TAF3: variants seen among roughly 807,000 people sequenced by gnomAD.
TAF3 encodes TATA-box binding protein associated factor 3.
TAF3 carries 7 observed loss-of-function variants against 80.6 expected under a neutral mutation model. The observed-to-expected ratio is 0.09, with a 90% CI of 0.05 to 0.16. The LOEUF (loss-of-function observed/expected upper bound fraction) is 0.16. Among genes scored for constraint, TAF3 ranks in the 10% least tolerant of loss-of-function variants. TAF3 has a pLI of 1.00. For synonymous variants in TAF3, 444 were observed against 446.1 expected, an observed-to-expected ratio of 1.00 and a Z score of 0.06; for missense variants, 921 against 1,140.2, an observed-to-expected ratio of 0.81 and a Z score of 2.77.
At chr10:8,012,744 C>A (rs1281160134) in intron 5 of TAF3, among the ~76,000 whole-genome samples, 1 of 152,116 alleles carries the variant, frequency 6.6e-6, no homozygotes, top group East Asian at 1.9e-4. Flanking sequence ...TAAAGGAAGC[C>A]CATCACTACA....
intron 2 of TAF3, among the ~76,000 whole-genome samples, chr10:7,953,362 G>T (rs1030844437): frequency 6.6e-6 from 1 of 152,200 alleles, no homozygotes; most frequent in Non-Finnish European, 1.5e-5. Context: ...TTAGGGGCAG[G>T]AGTAGCTCTG....
intron 4 of TAF3, among the ~76,000 whole-genome samples, chr10:8,005,699 A>G (rs1831984578): frequency 6.6e-6 from 1 of 152,174 alleles, no homozygotes; most frequent in Non-Finnish European, 1.5e-5. Context: ...TGTGTGTTCA[A>G]CCAGTATGGG....
At chr10:7,927,011 G>C (rs1837822289) in intron 2 of TAF3, among the ~76,000 whole-genome samples, 1 of 152,090 alleles carries the variant, frequency 6.6e-6, no homozygotes, top group South Asian at 2.1e-4. Context: ...TACTACACAT[G>C]GGGTGGGGGA....
chr10:7,944,637 G>A (rs1838007761), intron 2 of TAF3, among the ~76,000 whole-genome samples: 1 of 152,104 alleles, frequency 6.6e-6, no homozygotes, highest in Non-Finnish European at 1.5e-5. Context: ...TCAAATAATG[G>A]TCAGTAATGG....
intron 2 of TAF3, among the ~76,000 whole-genome samples, chr10:7,888,396 A>T: frequency 6.6e-6 from 1 of 152,248 alleles, no homozygotes; most frequent in Non-Finnish European, 1.5e-5. Context: ...TTTATAAAAA[A>T]AAAGTTTCTT....
At chr10:7,987,104 T>A (rs965673072) in intron 4 of TAF3, among the ~76,000 whole-genome samples, 3 of 152,116 alleles carry the variant, frequency 2.0e-5, no homozygotes, top group Admixed American at 2.0e-4. Context: ...GGCAGATCAC[T>A]TGAGCCCAGG....
chr10:7,930,439 A>G (rs1837857605), intron 2 of TAF3, among the ~76,000 whole-genome samples: 3 of 152,210 alleles, frequency 2.0e-5, no homozygotes, highest in South Asian at 2.1e-4. Context: ...AGGGAGTACA[A>G]ATTGATTTTT....
intron 2 of TAF3, among the ~76,000 whole-genome samples, chr10:7,933,723 A>G (rs1422976703): frequency 1.3e-5 from 2 of 152,170 alleles, no homozygotes; most frequent in African/African-American, 4.8e-5. Context: ...GTAATCCTCA[A>G]TTCTCAAAGG....
Position 7,948,912 on chromosome 10 carries a change from C to T in TAF3, c.410-15008C>T, listed in dbSNP as rs920888055. Among the ~76,000 whole-genome samples the T allele has an allele frequency of 6.6e-5, 10 of 152,146 alleles. 1 individual carries two copies. The highest frequency in any genetic ancestry group is 2.2e-4 in the African/African-American group (9 of 41,414). ...TTTTGTTAAAATCTCCAGGATTATA[C>T]ATGCATAGTTGGGGAAAAGAGGGAA... On this transcript the variant is annotated intron_variant, in intron 2 of 6. Coordinates refer to ENST00000344293, the MANE Select transcript of TAF3 (RefSeq NM_031923.4).
chr10:7,831,583 A>ATCC (rs1303703878), intron 2 of TAF3, among the ~76,000 whole-genome samples: 1 of 152,072 alleles, frequency 6.6e-6, no homozygotes, highest in Non-Finnish European at 1.5e-5. Context: ...TGATCTTGTG[A>ATCC]TCCTCCTGCC....
At chr10:7,852,116 A>G (rs1212178861) in intron 2 of TAF3, among the ~76,000 whole-genome samples, 5 of 151,998 alleles carry the variant, frequency 3.3e-5, no homozygotes, top group African/African-American at 1.2e-4. Flanking sequence ...ACGGGGTCTC[A>G]CTTTGTTGCC....
chr10:7,823,297 T>C (rs568549989), intron 1 of TAF3, among the ~76,000 whole-genome samples: 1 of 151,756 alleles, frequency 6.6e-6, no homozygotes, highest in African/African-American at 2.4e-5. Flanking sequence ...TAACCAACAT[T>C]GACTTTGTCA....
At chr10:7,828,727 A>C (rs1311608784) in intron 2 of TAF3, among the ~76,000 whole-genome samples, 1 of 151,960 alleles carries the variant, frequency 6.6e-6, no homozygotes, top group Non-Finnish European at 1.5e-5. Flanking sequence ...ATTGGTTCAA[A>C]ATATTTGCAT....
At chr10:7,894,248 C>T (rs1338178991) in intron 2 of TAF3, among the ~76,000 whole-genome samples, 1 of 152,136 alleles carries the variant, frequency 6.6e-6, no homozygotes, top group Admixed American at 6.5e-5. Context: ...ACAAATTCTC[C>T]CATGACGGAG....
intron 2 of TAF3, among the ~76,000 whole-genome samples, chr10:7,957,978 A>G (rs1220026252): frequency 6.6e-6 from 1 of 151,954 alleles, no homozygotes; most frequent in African/African-American, 2.4e-5. Flanking sequence ...CAAATTTTGC[A>G]GTTTTATAAT....
At chr10:7,896,339 G>T (rs1837504018) in intron 2 of TAF3, among the ~76,000 whole-genome samples, 1 of 152,174 alleles carries the variant, frequency 6.6e-6, no homozygotes, top group African/African-American at 2.4e-5. Context: ...GGGGATGGTT[G>T]TAAGTTCTAA....
intron 2 of TAF3, among the ~76,000 whole-genome samples, chr10:7,892,025 TTTC>T (rs779551822): frequency 6.6e-6 from 1 of 152,240 alleles, no homozygotes; most frequent in Non-Finnish European, 1.5e-5. Flanking sequence ...ACAGATAGAT[TTTC>T]TTCTTTTAAA....
intron 2 of TAF3, among the ~76,000 whole-genome samples, chr10:7,908,384 A>G (rs11255435): frequency 0.19 from 28,240 of 152,156 alleles, 2,845 homozygotes; most frequent in East Asian, 0.3. Flanking sequence ...GGAAAGTCAT[A>G]TAATTAATCA....
intron 2 of TAF3, among the ~76,000 whole-genome samples, chr10:7,907,356 C>A (rs1013218824): frequency 6.6e-6 from 1 of 152,110 alleles, no homozygotes; most frequent in African/African-American, 2.4e-5. Flanking sequence ...TCCTTGCTGG[C>A]AGATGAGATA....
Sources: gnomAD v4.1 joint callset for allele counts (sites outside exome capture counted in the v4.1 genomes callset) on GRCh38, gnomAD v4.1.1 for gene constraint, MANE v1.5 for transcripts, NCBI Gene and HGNC (gene_info 2026-07-23, HGNC 2026-07-21) for gene names.